Variants in INSM2 observed in about 807,000 individuals in gnomAD.
INSM2 encodes the protein insulinoma-associated protein 2.
INSM2 carries 12 observed loss-of-function variants against 30.5 expected under a neutral mutation model. The observed-to-expected ratio is 0.39, with a 90% CI of 0.25 to 0.64. The LOEUF (loss-of-function observed/expected upper bound fraction) is 0.64, where lower values mean the gene tolerates loss of function less well. Among genes scored for constraint, INSM2 ranks in the 30% least tolerant of loss-of-function variants. The pLI, the probability that INSM2 is intolerant of heterozygous loss-of-function variation, is 0.47. For missense variants in INSM2, 773 were observed against 819.2 expected (o/e 0.94, Z 0.69); for synonymous variants, 418 against 383.7 (o/e 1.09, Z -1.05).
Position 35,535,522 on chromosome 14 carries a change from G to T in INSM2, c.1270G>T (p.Glu424Ter). ...CAGTACCAGTGGTGGCAGGGGATCC[G>T]AGATTTTCGTGTGCCCATATTGCCA... ...PGSTSGGRGSEIFVCPYCHKK... is the reference protein window; with the variant it reads ...PGSTSGGRGS The change falls in exon 1 of 1, where the codon GAG becomes TAG. Residue 424 changes from glutamate (E) to a stop codon, truncating the protein, a stop_gained. Transcript: ENST00000307169. LOFTEE classifies it high-confidence loss of function. The T allele has an allele frequency of 1.2e-6, 2 of 1,613,294 alleles. No homozygotes were observed. The highest frequency in any genetic ancestry group is 1.7e-6 in the Non-Finnish European group (2 of 1,179,984).
At position 35,534,652 on chromosome 14, in the gene INSM2, T is replaced by A; in HGVS notation, c.400T>A (p.Ser134Thr). The change falls in exon 1 of 1, where the codon TCC (serine) becomes ACC (threonine). Residue 134 changes from serine to threonine, a missense_variant. Ser to Thr is a moderately conservative substitution (Grantham distance 58, BLOSUM62 1). Transcript: ENST00000307169. ...GGAGCGCTGCCTCAGCTCGCCCGTC[T>A]CCGCCGAGTCTTTCCCCGGGGGCGC... ...FLERCLSSPV[S>T]AESFPGGAAA... 1 of 1,411,002 alleles carries A rather than the reference T, an allele frequency of 7.1e-7. No individual in the cohort carries two copies. Among genetic ancestry groups the A allele is most frequent in the Non-Finnish European group, 9.1e-7 (1 of 1,095,594 alleles). The allele number at this position is 1,411,002 out of a possible 1,614,324, so 87.4% of individuals were successfully genotyped here.
At position 35,534,672 on chromosome 14, in the gene INSM2, G is replaced by T. The variant is rs1266709860; in HGVS notation, c.420G>T (p.Gly140=). ...SSPVSAESFP[G]GAAAVAAFSC... ...CCGTCTCCGCCGAGTCTTTCCCCGG[G>T]GGCGCCGCCGCCGTGGCCGCTTTCT... Residue 140 remains glycine, a synonymous_variant, in exon 1 of 1, where the codon GGG becomes GGT. Coordinates refer to ENST00000307169, the MANE Select transcript of INSM2 (RefSeq NM_032594.4). The T allele has an allele frequency of 5.0e-6, 7 of 1,403,236 alleles. No homozygotes were observed. The highest frequency in any genetic ancestry group is 1.8e-6 in the Non-Finnish European group (2 of 1,090,016). The allele number at this position is 1,403,236 out of a possible 1,614,324, so 86.9% of individuals were successfully genotyped here.
Position 35,534,297 on chromosome 14 carries a change from C to G in INSM2, c.45C>G (p.Gly15=). 1 of 1,595,380 alleles carries G rather than the reference C, an allele frequency of 6.3e-7. No homozygotes were observed. Residue 15 remains glycine, a synonymous_variant, in exon 1 of 1, where the codon GGC becomes GGG. Coordinates refer to ENST00000307169, the MANE Select transcript of INSM2 (RefSeq NM_032594.4). ...TGAAGCGAACTAAACGGACAGGCGGCTTGTACCGAGTTCGCCTTGCGGAGC... is the reference window on the plus strand; with the variant it reads ...TGAAGCGAACTAAACGGACAGGCGGGTTGTACCGAGTTCGCCTTGCGGAGC... ...FLVKRTKRTG[G]LYRVRLAERV...
At position 35,534,434 on chromosome 14, in the gene INSM2, G is replaced by A. The variant is rs2053578930; in HGVS notation, c.182G>A (p.Gly61Glu). The stretch of plus-strand genomic sequence containing the variant: ...ACACCCCCCACCCGAGAGGAACCAG[G>A]AAAGGGGTTGACGGCGGAGGCGGCC... The part of the protein sequence containing the change: ...RATPPTREEP[G>E]KGLTAEAARE... Residue 61 changes from glycine (G) to glutamate (E), a missense_variant, in exon 1 of 1, where the codon GGA becomes GAA. Gly to Glu is a moderately conservative substitution (Grantham distance 98). Coordinates refer to ENST00000307169, the MANE Select transcript of INSM2 (RefSeq NM_032594.4). The A allele has an allele frequency of 1.3e-6, 2 of 1,486,492 alleles. No homozygotes were observed. The highest frequency in any genetic ancestry group is 2.7e-5 in the South Asian group (2 of 72,884). The allele number at this position is 1,486,492 out of a possible 1,614,324, so 92.1% of individuals were successfully genotyped here.
Position 35,534,653 on chromosome 14 carries a change from C to A in INSM2, c.401C>A (p.Ser134Tyr). 1 of 1,414,616 alleles carries A rather than the reference C, an allele frequency of 7.1e-7. No homozygotes were observed. Among genetic ancestry groups the A allele is most frequent in the Non-Finnish European group, 9.1e-7 (1 of 1,097,610 alleles). The allele number at this position is 1,414,616 out of a possible 1,614,324, so 87.6% of individuals were successfully genotyped here. A position where few individuals can be genotyped will look rare whatever the true frequency, so the allele number is the denominator to read the frequency against. Residue 134 changes from serine to tyrosine, a missense_variant, in exon 1 of 1, where the codon TCC becomes TAC. By Grantham distance (144) the Ser-to-Tyr change is moderately radical. Transcript: ENST00000307169. ...FLERCLSSPVSAESFPGGAAA... is the reference protein window; with the variant it reads ...FLERCLSSPVYAESFPGGAAA... ...GAGCGCTGCCTCAGCTCGCCCGTCT[C>A]CGCCGAGTCTTTCCCCGGGGGCGCC...
rs1194669389 is a variant in INSM2 at position 35,534,351 on chromosome 14, G to A, written c.99G>A (p.Gly33=). The stretch of plus-strand genomic sequence containing the variant: ...TCTTCCCTCTGCTGGGGCCCCAGGG[G>A]GCGCCGCCCTTCTTGGAGGAGGCTC... The part of the protein sequence containing the change: ...ERVFPLLGPQ[G]APPFLEEAPS... The change falls in exon 1 of 1, where the codon GGG becomes GGA. Residue 33 remains glycine (G), a synonymous_variant. Transcript: ENST00000307169. The A allele has an allele frequency of 1.3e-6, 2 of 1,577,946 alleles. No homozygotes were observed. The highest frequency in any genetic ancestry group is 1.7e-6 in the Non-Finnish European group (2 of 1,164,636).
Position 35,534,823 on chromosome 14 carries a change from C to A in INSM2, c.571C>A (p.Leu191Met). 1.3e-6 allele frequency: 2 copies of A among 1,508,522 alleles called. No individual in the cohort carries two copies. The highest frequency in any genetic ancestry group is 1.8e-6 in the Non-Finnish European group (2 of 1,135,474). 93.4% of individuals were successfully genotyped at this position (1,508,522 alleles called of 1,614,324 possible). A position where few individuals can be genotyped will look rare whatever the true frequency, so the allele number is the denominator to read the frequency against. ...PAPLSAALQS[L>M]KRAAGGERRG... ...GCCCCTCTCGGCCGCCCTTCAGAGT[C>A]TGAAGCGGGCGGCCGGCGGCGAGCG... Residue 191 changes from leucine to methionine, a missense_variant, in exon 1 of 1, where the codon CTG becomes ATG. Transcript: ENST00000307169.
chr14:35,534,559 G>T lies in INSM2; in HGVS notation c.307G>T (p.Gly103Trp). Reference protein sequence around the residue: ...EWRAGGREGPGPSPSPSPSPA... With the variant: ...EWRAGGREGPWPSPSPSPSPA... Reference sequence around the variant, plus strand: ...GCGGGCGGGTGGCAGGGAAGGTCCCGGGCCCAGCCCCAGCCCCAGCCCCAG... The same window carrying T: ...GCGGGCGGGTGGCAGGGAAGGTCCCTGGCCCAGCCCCAGCCCCAGCCCCAG... Residue 103 changes from glycine to tryptophan, a missense_variant, in exon 1 of 1, where the codon GGG (glycine) becomes TGG (tryptophan). Physicochemically the swap from Gly to Trp is radical, Grantham distance 184. Transcript: ENST00000307169. The T allele has an allele frequency of 7.1e-7, 1 of 1,400,086 alleles. No individual in the cohort carries two copies. Among genetic ancestry groups the T allele is most frequent in the Non-Finnish European group, 9.2e-7 (1 of 1,088,184 alleles). 86.7% of individuals were successfully genotyped at this position (1,400,086 alleles called of 1,614,324 possible).
Position 35,536,016 on chromosome 14 carries a change from G to T in INSM2, c.*63G>T. The T allele has an allele frequency of 3.3e-6, 5 of 1,513,604 alleles. No individual in the cohort carries two copies. The Admixed American group carries it at 9.0e-5, about 27-fold the overall frequency. 93.8% of individuals were successfully genotyped at this position (1,513,604 alleles called of 1,614,324 possible). A position where few individuals can be genotyped will look rare whatever the true frequency, so the allele number is the denominator to read the frequency against. ...GAGGAAACAGATCATGGGAATTTCTGTGGGGCTTTCTTCAACTTGCAAGTT... is the reference window on the plus strand; with the variant it reads ...GAGGAAACAGATCATGGGAATTTCTTTGGGGCTTTCTTCAACTTGCAAGTT... On this transcript the variant is annotated 3_prime_UTR_variant, in exon 1 of 1. Coordinates refer to ENST00000307169, the MANE Select transcript of INSM2 (RefSeq NM_032594.4).
Position 35,536,013 on chromosome 14 carries a change from T to C in INSM2, c.*60T>C. 6.6e-7 allele frequency: 1 copy of C among 1,514,620 alleles called. No homozygotes were observed. Among genetic ancestry groups the C allele is most frequent in the Non-Finnish European group, 8.8e-7 (1 of 1,131,314 alleles). 93.8% of individuals were successfully genotyped at this position (1,514,620 alleles called of 1,614,324 possible). A position where few individuals can be genotyped will look rare whatever the true frequency, so the allele number is the denominator to read the frequency against. Reference sequence around the variant, plus strand: ...TTAGAGGAAACAGATCATGGGAATTTCTGTGGGGCTTTCTTCAACTTGCAA... The same window carrying C: ...TTAGAGGAAACAGATCATGGGAATTCCTGTGGGGCTTTCTTCAACTTGCAA... On this transcript the variant is annotated 3_prime_UTR_variant, in exon 1 of 1. Transcript: ENST00000307169.
chr14:35,535,108 A>G lies in INSM2; in HGVS notation c.856A>G (p.Ile286Val), dbSNP rs1273629517. Reference protein sequence around the residue: ...FALAQHRCSRIVRVEYRCPEC... With the variant: ...FALAQHRCSRVVRVEYRCPEC... ...GCTGGCCCAGCACCGCTGCTCCCGC[A>G]TCGTGCGCGTAGAGTACCGCTGCCC... Residue 286 changes from isoleucine to valine, a missense_variant, in exon 1 of 1, where the codon ATC becomes GTC. Transcript: ENST00000307169. 8.7e-6 allele frequency: 14 copies of G among 1,605,404 alleles called. No homozygotes were observed. Among genetic ancestry groups the G allele is most frequent in the African/African-American group, 2.7e-5 (2 of 74,716 alleles).
Position 35,534,189 on chromosome 14 carries a change from T to C in INSM2, c.-64T>C. The C allele has an allele frequency of 1.3e-6, 2 of 1,533,022 alleles. No individual in the cohort carries two copies. Among genetic ancestry groups the C allele is most frequent in the Non-Finnish European group, 8.7e-7 (1 of 1,146,726 alleles). The allele number at this position is 1,533,022 out of a possible 1,614,324, so 95.0% of individuals were successfully genotyped here. A position where few individuals can be genotyped will look rare whatever the true frequency, so the allele number is the denominator to read the frequency against. ...GGCGAAGCTCTTCTAGTTCATCTGC[T>C]GGCCGGCTCTCAGTCCCCGTGGCGC... On this transcript the variant is annotated 5_prime_UTR_variant, in exon 1 of 1. Transcript: ENST00000307169.
rs770122838 is a variant in INSM2, at chr14:35,534,350, G to A, written c.98G>A (p.Gly33Glu). Residue 33 changes from glycine to glutamate, a missense_variant, in exon 1 of 1, where the codon GGG becomes GAG. Coordinates refer to ENST00000307169, the MANE Select transcript of INSM2 (RefSeq NM_032594.4). ...GTCTTCCCTCTGCTGGGGCCCCAGG[G>A]GGCGCCGCCCTTCTTGGAGGAGGCT... Reference protein sequence around the residue: ...ERVFPLLGPQGAPPFLEEAPS... With the variant: ...ERVFPLLGPQEAPPFLEEAPS... 6.3e-7 allele frequency: 1 copy of A among 1,579,726 alleles called. No homozygotes were observed. Among genetic ancestry groups the A allele is most frequent in the Non-Finnish European group, 8.6e-7 (1 of 1,165,222 alleles).
chr14:35,534,251 C>T lies in INSM2; in HGVS notation c.-2C>T. ...TTGTCCCAGAGCGCTCTCGACTCCACCATGCCAAGGGGATTCCTGGTGAAG... is the reference window on the plus strand; with the variant it reads ...TTGTCCCAGAGCGCTCTCGACTCCATCATGCCAAGGGGATTCCTGGTGAAG... On this transcript the variant is annotated 5_prime_UTR_variant, in exon 1 of 1. Coordinates refer to ENST00000307169, the MANE Select transcript of INSM2 (RefSeq NM_032594.4). The T allele has an allele frequency of 6.3e-7, 1 of 1,589,748 alleles. No individual in the cohort carries two copies. The highest frequency in any genetic ancestry group is 8.6e-7 in the Non-Finnish European group (1 of 1,169,422).
At position 35,535,935 on chromosome 14, in the gene INSM2, A is replaced by G. The variant is rs777338479; in HGVS notation, c.1683A>G (p.Pro561=). 6.2e-7 allele frequency: 1 copy of G among 1,607,852 alleles called. No individual in the cohort carries two copies. The highest frequency in any genetic ancestry group is 1.3e-5 in the African/African-American group (1 of 74,724). ...GGCAAGTGCTGCTGCTGCAGATGCCACTGCGGCCTGGCTGCTGAGGGACGA... is the reference window on the plus strand; with the variant it reads ...GGCAAGTGCTGCTGCTGCAGATGCCGCTGCGGCCTGGCTGCTGAGGGACGA... The part of the protein sequence containing the change: ...ESRQVLLLQM[P]LRPGC Residue 561 remains proline, a synonymous_variant, in exon 1 of 1, where the codon CCA becomes CCG. Coordinates refer to ENST00000307169, the MANE Select transcript of INSM2 (RefSeq NM_032594.4).
chr14:35,534,789 G>T lies in INSM2; in HGVS notation c.537G>T (p.Pro179=). Residue 179 remains proline, a synonymous_variant, in exon 1 of 1, where the codon CCG becomes CCT. Transcript: ENST00000307169. The part of the protein sequence containing the change: ...RAPFPEPALQ[P]DPAPLSAALQ... ...CGTTCCCAGAGCCCGCGCTTCAGCC[G>T]GACCCTGCGCCCCTCTCGGCCGCCC... The T allele has an allele frequency of 6.9e-7, 1 of 1,442,990 alleles. No homozygotes were observed. The highest frequency in any genetic ancestry group is 9.1e-7 in the Non-Finnish European group (1 of 1,103,362). The allele number at this position is 1,442,990 out of a possible 1,614,324, so 89.4% of individuals were successfully genotyped here.
Position 35,536,040 on chromosome 14 carries a change from T to G in INSM2, c.*87T>G. ...TGTGGGGCTTTCTTCAACTTGCAAG[T>G]TTACTTTCATTCCTTCCTATGTTTT... is the stretch of plus-strand genomic sequence containing the variant. On this transcript the variant is annotated 3_prime_UTR_variant, in exon 1 of 1. Transcript: ENST00000307169. 2 of 1,436,902 alleles carry G rather than the reference T, an allele frequency of 1.4e-6. No homozygotes were observed. Among genetic ancestry groups the G allele is most frequent in the Non-Finnish European group, 1.9e-6 (2 of 1,061,922 alleles). 89.0% of individuals were successfully genotyped at this position (1,436,902 alleles called of 1,614,324 possible).
chr14:35,534,203 TC>T lies in INSM2; in HGVS notation c.-46del. 6.5e-7 allele frequency: 1 copy of T among 1,546,488 alleles called. No individual in the cohort carries two copies. Among genetic ancestry groups the T allele is most frequent in the Non-Finnish European group, 8.7e-7 (1 of 1,152,740 alleles). On this transcript the variant is annotated 5_prime_UTR_variant, in exon 1 of 1. Transcript: ENST00000307169. Reference sequence around the variant, plus strand: ...AGTTCATCTGCTGGCCGGCTCTCAGTCCCCGTGGCGCCCCCTTTCCTCTTGT... The same window carrying T: ...AGTTCATCTGCTGGCCGGCTCTCAGTCCCGTGGCGCCCCCTTTCCTCTTGT...
rs997006327 is a variant in INSM2 at position 35,534,992 on chromosome 14, G to A, written c.740G>A (p.Gly247Glu). Residue 247 changes from glycine (G) to glutamate (E), a missense_variant, in exon 1 of 1, where the codon GGA becomes GAA. Coordinates refer to ENST00000307169, the MANE Select transcript of INSM2 (RefSeq NM_032594.4). Reference protein sequence around the residue: ...LGLKIKEEEPGAPSRGLGGSR... With the variant: ...LGLKIKEEEPEAPSRGLGGSR... ...CTGAAGATCAAGGAGGAGGAGCCCG[G>A]AGCGCCGTCCCGGGGCTTGGGGGGC... 6.4e-7 allele frequency: 1 copy of A among 1,564,898 alleles called. No homozygotes were observed. The highest frequency in any genetic ancestry group is 8.6e-7 in the Non-Finnish European group (1 of 1,158,030).
Sources: gnomAD v4.1 joint callset for allele counts on GRCh38, gnomAD v4.1.1 for gene constraint, MANE v1.5 for transcripts, NCBI Gene and HGNC (gene_info 2026-07-23, HGNC 2026-07-21) for gene names.